Variants in GDAP1L1 observed in about 807,000 individuals in gnomAD.
The protein encoded by GDAP1L1 is ganglioside-induced differentiation-associated protein 1-like 1.
A neutral mutation model predicts 37.1 loss-of-function variants in GDAP1L1; 21 were observed. That is an observed-to-expected ratio of 0.57 (90% CI 0.40 to 0.81). The LOEUF (loss-of-function observed/expected upper bound fraction) is 0.81. GDAP1L1 is among the 40% of genes least tolerant of loss of function. GDAP1L1 has a pLI of 0.00. For synonymous variants in GDAP1L1, 193 were observed against 209.1 expected, an observed-to-expected ratio of 0.92 and a Z score of 0.67; for missense variants, 362 against 491.6, an observed-to-expected ratio of 0.74 and a Z score of 2.49.
chr20:44,264,341 G>A, intron 4 of GDAP1L1, 104 bp from the exon 5 acceptor site: 2 of 1,313,508 alleles, frequency 1.5e-6, no homozygotes, highest in Non-Finnish European at 1.9e-6. Flanking sequence ...GGGGCATTTG[G>A]AGGCTGGGTT....
chr20:44,271,353 G>T (rs1302003079), intron 5 of GDAP1L1, among the ~76,000 whole-genome samples: 1 of 152,202 alleles, frequency 6.6e-6, no homozygotes, highest in Non-Finnish European at 1.5e-5. Context: ...GGAGTGGCCA[G>T]TGAAGTAGGA....
chr20:44,257,361 C>A lies in GDAP1L1; in HGVS notation c.373+16C>A. On this transcript the variant is annotated intron_variant, in intron 2 of 5. Transcript: ENST00000342560. ...TTCACAGGAGGTACGGCTGCCTCCC[C>A]ACCCAGGGGCCCACTCCATACCACA... 6.2e-7 allele frequency: 1 copy of A among 1,606,330 alleles called. No homozygotes were observed. The highest frequency in any genetic ancestry group is 8.5e-7 in the Non-Finnish European group (1 of 1,175,164).
At chr20:44,250,404 T>C (rs2073418379) in intron 1 of GDAP1L1, among the ~76,000 whole-genome samples, 1 of 152,242 alleles carries the variant, frequency 6.6e-6, no homozygotes, top group Non-Finnish European at 1.5e-5. Flanking sequence ...TCAGCAAATG[T>C]ATCCATGTCA....
At chr20:44,269,505 T>A (rs1453069116) in intron 5 of GDAP1L1, among the ~76,000 whole-genome samples, 1 of 151,996 alleles carries the variant, frequency 6.6e-6, no homozygotes, top group Non-Finnish European at 1.5e-5. Flanking sequence ...GCAGCTCAGG[T>A]GAGAGATGAT....
Position 44,257,224 on chromosome 20 carries a change from C to T in GDAP1L1, c.252C>T (p.His84=), listed in dbSNP as rs775859645. 5 of 1,612,702 alleles carry T rather than the reference C, an allele frequency of 3.1e-6. No homozygotes were observed. The highest frequency in any genetic ancestry group is 2.2e-5 in the East Asian group (1 of 44,854). ...ACGTGAGCCTGCCACAGAGCGAGCA[C>T]AAGGAGCCCTGGTTCATGCGGCTCA... ...ERDVSLPQSE[H]KEPWFMRLNL... Residue 84 remains histidine (H), a synonymous_variant, in exon 2 of 6, where the codon CAC becomes CAT. Transcript: ENST00000342560.
intron 5 of GDAP1L1, chr20:44,264,956 T>C: frequency 7.1e-6 from 7 of 985,156 alleles, no homozygotes; most frequent in Non-Finnish European, 8.4e-6. Flanking sequence ...CAGAACTTGT[T>C]CCCTCTCGAT....
At chr20:44,250,154 A>G (rs905987640) in intron 1 of GDAP1L1, among the ~76,000 whole-genome samples, 3 of 152,186 alleles carry the variant, frequency 2.0e-5, no homozygotes, top group African/African-American at 7.2e-5. Flanking sequence ...GTCCACCTCT[A>G]GGAGTGATGG....
At chr20:44,248,660 G>A (rs1021847524) in intron 1 of GDAP1L1, among the ~76,000 whole-genome samples, 1 of 152,232 alleles carries the variant, frequency 6.6e-6, no homozygotes, top group Non-Finnish European at 1.5e-5. Flanking sequence ...TAGTGTTATA[G>A]ACTGGGACTA....
chr20:44,250,891 T>C (rs749024506), intron 1 of GDAP1L1, among the ~76,000 whole-genome samples: 4 of 152,134 alleles, frequency 2.6e-5, no homozygotes, highest in Non-Finnish European at 4.4e-5. Context: ...ACTGGCTGTG[T>C]GACCTGACCC....
Position 44,264,522 on chromosome 20 carries a change from T to A in GDAP1L1, c.723T>A (p.Ile241=). The stretch of plus-strand genomic sequence containing the variant: ...AACTGGCCATGGTGCTGGACCAGAT[T>A]GAGGCGGAGCTGGAGAAGAGGAAGC... ...LGELAMVLDQ[I]EAELEKRKLE... The change falls in exon 5 of 6, where the codon ATT becomes ATA. Residue 241 remains isoleucine, a synonymous_variant. Coordinates refer to ENST00000342560, the MANE Select transcript of GDAP1L1 (RefSeq NM_024034.6). The A allele has an allele frequency of 6.2e-7, 1 of 1,603,836 alleles. No individual in the cohort carries two copies. The highest frequency in any genetic ancestry group is 1.1e-5 in the South Asian group (1 of 89,828).
In GDAP1L1 at chr20:44,257,381, A is replaced by G. The variant is rs997204046; in HGVS notation, c.373+36A>G. On this transcript the variant is annotated intron_variant, in intron 2 of 5. Coordinates refer to ENST00000342560, the MANE Select transcript of GDAP1L1 (RefSeq NM_024034.6). ...CTCCCCACCCAGGGGCCCACTCCAT[A>G]CCACAGATCCTCAGGGGTCCCCACA... The G allele has an allele frequency of 3.2e-6, 5 of 1,584,618 alleles. No individual in the cohort carries two copies. In the African/African-American group the frequency reaches 5.4e-5, roughly 17 times the overall value.
At chr20:44,271,963 T>C (rs1463759255) in intron 5 of GDAP1L1, among the ~76,000 whole-genome samples, 1 of 152,170 alleles carries the variant, frequency 6.6e-6, no homozygotes, top group Non-Finnish European at 1.5e-5. Context: ...TGAGAGCAGA[T>C]TCAGGAACCT....
At chr20:44,259,055 G>A (rs1441461901) in intron 3 of GDAP1L1, among the ~76,000 whole-genome samples, 1 of 151,836 alleles carries the variant, frequency 6.6e-6, no homozygotes, top group Non-Finnish European at 1.5e-5. Context: ...TCAGGGCTGT[G>A]CTTCGTGGCC....
rs185653671 is a variant in GDAP1L1, at chr20:44,255,488, G to T, written c.181-1665G>T. Reference sequence around the variant, plus strand: ...ACCCAGGAGGCGGAGGTTGCAGTGAGCCGAGATCGCACCACTGCACTCCAG... The same window carrying T: ...ACCCAGGAGGCGGAGGTTGCAGTGATCCGAGATCGCACCACTGCACTCCAG... On this transcript the variant is annotated intron_variant, in intron 1 of 5. Transcript: ENST00000342560. Among the ~76,000 whole-genome samples the T allele has an allele frequency of 8.5e-3, 1,167 of 137,282 alleles. 6 individuals are homozygous for T. Among genetic ancestry groups the T allele is most frequent in the South Asian group, 0.022 (95 of 4,348 alleles). 90.1% of individuals were successfully genotyped at this position (137,282 alleles called of 152,430 possible).
chr20:44,265,149 C>T (rs772575683), intron 5 of GDAP1L1: 16 of 985,292 alleles, frequency 1.6e-5, no homozygotes, highest in Non-Finnish European at 1.9e-5. Flanking sequence ...TGCATTATAG[C>T]TCCTTCGTGC....
At chr20:44,267,318 AAGGGTGAT>A (rs2062463543) in intron 5 of GDAP1L1, among the ~76,000 whole-genome samples, 1 of 152,108 alleles carries the variant, frequency 6.6e-6, no homozygotes, top group African/African-American at 2.4e-5. Context: ...TGTTCTATAA[AAGGGTGAT>A]AGGTTGGGCA....
In GDAP1L1 at chr20:44,280,167, T is replaced by TC. The variant is rs892470725; in HGVS notation, c.*874dup. 2.2e-5 allele frequency: 5 copies of TC among 225,510 alleles called. No homozygotes were observed. Among genetic ancestry groups the TC allele is most frequent in the South Asian group, 6.7e-5 (1 of 14,902 alleles). 14.0% of individuals were successfully genotyped at this position (225,510 alleles called of 1,614,324 possible). ...TCTGTCCAAGCCATCTCCTTCAATA[T>TC]CCCCCCCTTCCTGTCACTCCCGGGG... On this transcript the variant is annotated 3_prime_UTR_variant, in exon 6 of 6. Transcript: ENST00000342560.
chr20:44,263,999 G>A (rs887176614), intron 4 of GDAP1L1, among the ~76,000 whole-genome samples: 1 of 152,332 alleles, frequency 6.6e-6, no homozygotes, highest in African/African-American at 2.4e-5. Flanking sequence ...AGCCTCAATT[G>A]ATTCCACAGG....
intron 1 of GDAP1L1, among the ~76,000 whole-genome samples, chr20:44,255,136 A>G (rs1472060551): frequency 6.6e-6 from 1 of 152,088 alleles, no homozygotes; most frequent in Non-Finnish European, 1.5e-5. Context: ...CATTACCCCT[A>G]CTGTGTTCCA....
Sources: allele counts gnomAD v4.1 joint callset (sites outside exome capture counted in the v4.1 genomes callset), GRCh38; gene constraint gnomAD v4.1.1; transcripts MANE v1.5; gene names NCBI Gene and HGNC (gene_info 2026-07-23, HGNC 2026-07-21).